The following NRCAM variants were observed in gnomAD, a reference collection of about 807,000 sequenced individuals.
The protein encoded by NRCAM is NgCAM-related cell adhesion molecule.
In NRCAM, 83 loss-of-function variants were observed where a neutral mutation model predicts 156.5. The observed-to-expected ratio is 0.53, with a 90% CI of 0.44 to 0.64. The LOEUF (loss-of-function observed/expected upper bound fraction) is 0.64. Ranked by LOEUF, NRCAM falls within the 30% of genes least tolerant of loss-of-function variation. NRCAM has a pLI of 0.00. For synonymous variants in NRCAM, 538 were observed against 563.9 expected (o/e 0.95, Z 0.65); for missense variants, 1,417 against 1,597.3 (o/e 0.89, Z 1.92).
chr7:108,423,176 CA>C (rs1489066007), intron 1 of NRCAM, among the ~76,000 whole-genome samples: 1 of 151,696 alleles, frequency 6.6e-6, no homozygotes, highest in East Asian at 1.9e-4. Flanking sequence ...TATCTTTTTG[CA>C]TATATGGAAT....
chr7:108,335,170 A>G (rs1446359506), intron 2 of NRCAM, among the ~76,000 whole-genome samples: 2 of 152,202 alleles, frequency 1.3e-5, no homozygotes, highest in African/African-American at 4.8e-5. Context: ...ATGTAGTGTT[A>G]GTGCACTCTC....
chr7:108,340,070 A>G (rs1256707938), intron 2 of NRCAM, among the ~76,000 whole-genome samples: 3 of 152,190 alleles, frequency 2.0e-5, no homozygotes, highest in Non-Finnish European at 2.9e-5. Flanking sequence ...ATTAAGAGAC[A>G]ACTCGCAATT....
rs2053029203 is a variant in NRCAM at position 108,165,094 on chromosome 7, TC to T, written c.3466+1826del. ...CAGGTCATTTTTATACATAGTAGAT[TC>T]TTCATAAATAATCCAGAACCAGTAA... is the stretch of plus-strand genomic sequence containing the variant. On this transcript the variant is annotated intron_variant, in intron 30 of 32. Coordinates refer to ENST00000379028, the MANE Select transcript of NRCAM (RefSeq NM_001037132.4). 3.9e-5 allele frequency among the ~76,000 whole-genome samples: 6 copies of T among 152,198 alleles called. No homozygotes were observed. In the South Asian group the frequency reaches 1.2e-3, roughly 31 times the overall value.
intron 8 of NRCAM, among the ~76,000 whole-genome samples, chr7:108,227,698 C>T (rs1000135960): frequency 1.3e-5 from 2 of 152,168 alleles, no homozygotes; most frequent in Non-Finnish European, 2.9e-5. Context: ...GAGAGTTCTT[C>T]AGTTCTGTGA....
chr7:108,178,039 CGGT>C lies in NRCAM; in HGVS notation c.2922_2924del (p.Pro975del). 1 of 1,613,518 alleles carries C rather than the reference CGGT, an allele frequency of 6.2e-7. No individual in the cohort carries two copies. The highest frequency in any genetic ancestry group is 8.5e-7 in the Non-Finnish European group (1 of 1,179,620). ...CTGTCAAAATGCCATTCGGGTGGCT[CGGT>C]GGATCCCATTCCAAAGTGAGAGAGT... On this transcript the variant is annotated inframe_deletion, in exon 26 of 33. Transcript: ENST00000379028.
At chr7:108,363,520 T>C (rs1209765375) in intron 2 of NRCAM, among the ~76,000 whole-genome samples, 1 of 152,130 alleles carries the variant, frequency 6.6e-6, no homozygotes, top group Non-Finnish European at 1.5e-5. Context: ...AGTTATGGGA[T>C]TATAGGTGTG....
intron 2 of NRCAM, among the ~76,000 whole-genome samples, chr7:108,372,008 A>G (rs1297343725): frequency 6.6e-6 from 1 of 152,216 alleles, no homozygotes; most frequent in Non-Finnish European, 1.5e-5. Context: ...TGGTACTGGC[A>G]TAAAGAAATA....
At chr7:108,155,134 A>G (rs1585121322) in intron 32 of NRCAM, among the ~76,000 whole-genome samples, 1 of 142,872 alleles carries the variant, frequency 7.0e-6, no homozygotes, top group Admixed American at 6.8e-5. Flanking sequence ...ACACACACAC[A>G]CACACACACA....
At chr7:108,368,649 C>T (rs964398056) in intron 2 of NRCAM, among the ~76,000 whole-genome samples, 1 of 152,126 alleles carries the variant, frequency 6.6e-6, no homozygotes, top group African/African-American at 2.4e-5. Context: ...CATCTGTTTG[C>T]ATGACTTCGT....
In NRCAM at chr7:108,372,031, T is replaced by C. The variant is rs531764572; in HGVS notation, c.-174+27405A>G. Among the ~76,000 whole-genome samples the C allele has an allele frequency of 1.0e-3, 155 of 152,084 alleles. No individual in the cohort carries two copies. The South Asian group carries it at 0.018, about 18-fold the overall frequency. ...GCATAAAGAAATACATATAGGCCAA[T>C]AGAACAGAACAGCAAGCCCAGAAAT... On this transcript the variant is annotated intron_variant, in intron 2 of 32. Coordinates refer to ENST00000379028, the MANE Select transcript of NRCAM (RefSeq NM_001037132.4).
Position 108,181,933 on chromosome 7 carries a change from T to G in NRCAM, c.2535A>C (p.Pro845=). 4 of 1,611,540 alleles carry G rather than the reference T, an allele frequency of 2.5e-6. No homozygotes were observed. The highest frequency in any genetic ancestry group is 3.4e-6 in the Non-Finnish European group (4 of 1,177,812). The change falls in exon 24 of 33, where the codon CCA becomes CCC. Residue 845 remains proline (P), a synonymous_variant. Transcript: ENST00000379028. ...VVMGHSGEDL[P]MVAPGNVRVN... ...CACGCACGTTCCCAGGAGCCACCAT[T>G]GGGACTAGGAAAAGGACAGGGAAGT...
chr7:108,159,700 T>G (rs893666783), intron 31 of NRCAM, among the ~76,000 whole-genome samples, 159 bp from the exon 32 acceptor site: 1 of 152,192 alleles, frequency 6.6e-6, no homozygotes, highest in Non-Finnish European at 1.5e-5. Flanking sequence ...TATATTTTGG[T>G]ATTTTAGTTA....
intron 2 of NRCAM, among the ~76,000 whole-genome samples, chr7:108,321,705 T>G (rs1024609112): frequency 6.6e-6 from 1 of 152,226 alleles, no homozygotes; most frequent in African/African-American, 2.4e-5. Flanking sequence ...ACAAAGATCT[T>G]AAAGTTTAAT....
intron 13 of NRCAM, among the ~76,000 whole-genome samples, chr7:108,202,830 C>T (rs908265877): frequency 6.6e-6 from 1 of 152,214 alleles, no homozygotes; most frequent in Non-Finnish European, 1.5e-5. Context: ...CCCTCCTCAT[C>T]CCTGAGAGGA....
intron 2 of NRCAM, among the ~76,000 whole-genome samples, chr7:108,398,466 T>C (rs2154389691): frequency 6.6e-6 from 1 of 152,310 alleles, no homozygotes; most frequent in Middle Eastern, 3.4e-3. Flanking sequence ...CTTCCTCCAG[T>C]GTAATACACA....
At chr7:108,334,402 C>T (rs73726154) in intron 2 of NRCAM, among the ~76,000 whole-genome samples, 1,551 of 152,282 alleles carry the variant, frequency 0.01, 26 homozygotes, top group African/African-American at 0.034. Flanking sequence ...TATTCAAAAT[C>T]CTTTACAATC....
intron 2 of NRCAM, among the ~76,000 whole-genome samples, chr7:108,341,118 C>A (rs566279707): frequency 3.9e-5 from 6 of 152,304 alleles, no homozygotes; most frequent in African/African-American, 1.4e-4. Flanking sequence ...TACAAATAAG[C>A]CACCCCCTCA....
At chr7:108,455,754 C>T (rs1856497011) in intron 1 of NRCAM, among the ~76,000 whole-genome samples, 1 of 152,196 alleles carries the variant, frequency 6.6e-6, no homozygotes, top group Admixed American at 6.5e-5. Context: ...CACGCCCGTG[C>T]GCTCCCGGCC....
At chr7:108,235,161 A>C (rs999649615) in intron 5 of NRCAM, among the ~76,000 whole-genome samples, 1 of 152,198 alleles carries the variant, frequency 6.6e-6, no homozygotes, top group African/African-American at 2.4e-5. Context: ...TGAGAAGTTA[A>C]TATTAAACAG....
Sources: allele counts gnomAD v4.1 joint callset (sites outside exome capture counted in the v4.1 genomes callset), GRCh38; gene constraint gnomAD v4.1.1; transcripts MANE v1.5; gene names NCBI Gene and HGNC (gene_info 2026-07-23, HGNC 2026-07-21).